The following GLIS3 variants were observed in gnomAD, a reference collection of about 807,000 sequenced individuals.
GLIS3 encodes the protein zinc finger protein GLIS3.
A neutral mutation model predicts 78.6 loss-of-function variants in GLIS3; 53 were observed. That is an observed-to-expected ratio of 0.67 (90% CI 0.54 to 0.85). The LOEUF is 0.85. GLIS3 is among the 40% of genes least tolerant of loss of function. The pLI is 0.00. For missense variants in GLIS3, 1,703 were observed against 1,231.1 expected (o/e 1.38, Z -5.74); for synonymous variants, 684 against 509.9 (o/e 1.34, Z -4.60).
At chr9:4,152,422 G>C (rs534944564) in intron 2 of GLIS3, among the ~76,000 whole-genome samples, 4 of 152,228 alleles carry the variant, frequency 2.6e-5, no homozygotes, top group Non-Finnish European at 4.4e-5. Context: ...TAGATTATGA[G>C]GATTTTCACA....
chr9:3,989,933 A>T (rs887597965), intron 4 of GLIS3, among the ~76,000 whole-genome samples: 1 of 152,226 alleles, frequency 6.6e-6, no homozygotes, highest in Non-Finnish European at 1.5e-5. Flanking sequence ...ATCAAGTTCA[A>T]TATTCGGGTT....
chr9:4,193,349 G>C (rs1019518244), intron 2 of GLIS3, among the ~76,000 whole-genome samples: 10 of 152,152 alleles, frequency 6.6e-5, no homozygotes, highest in African/African-American at 2.4e-4. Flanking sequence ...CATTTACATA[G>C]TGTCAATGGC....
At chr9:4,174,600 C>T (rs1407488793) in intron 2 of GLIS3, among the ~76,000 whole-genome samples, 4 of 152,068 alleles carry the variant, frequency 2.6e-5, no homozygotes, top group Non-Finnish European at 5.9e-5. Context: ...ACAAATCTAC[C>T]ACAACTTCGC....
chr9:4,403,790 A>G, the GLIS3 span, among the ~76,000 whole-genome samples: 1 of 152,154 alleles, frequency 6.6e-6, no homozygotes, highest in Non-Finnish European at 1.5e-5. Flanking sequence ...TAAAAAGAAG[A>G]CAGGAAGGAA....
chr9:4,335,141 C>T (rs569742516), intron 2 of GLIS3, among the ~76,000 whole-genome samples: 1 of 152,146 alleles, frequency 6.6e-6, no homozygotes, highest in African/African-American at 2.4e-5. Flanking sequence ...ATCTCCTGAC[C>T]TCGTGATCCA....
intron 2 of GLIS3, among the ~76,000 whole-genome samples, chr9:4,343,780 T>C (rs762678420): frequency 8.5e-5 from 13 of 152,196 alleles, no homozygotes; most frequent in Non-Finnish European, 1.8e-4. Context: ...TGGATGCAGC[T>C]GGAGGTCATT....
At chr9:4,136,254 C>G (rs1348192955) in intron 2 of GLIS3, among the ~76,000 whole-genome samples, 2 of 152,164 alleles carry the variant, frequency 1.3e-5, no homozygotes, top group African/African-American at 4.8e-5. Context: ...CAGTATTAAG[C>G]ATGAAGCTAA....
At chr9:4,043,572 T>C (rs1026656582) in intron 4 of GLIS3, among the ~76,000 whole-genome samples, 4 of 152,072 alleles carry the variant, frequency 2.6e-5, no homozygotes, top group Non-Finnish European at 5.9e-5. Flanking sequence ...ATGAGTTTTG[T>C]CTCAATGACT....
At chr9:3,954,920 T>C (rs1345426075) in intron 4 of GLIS3, among the ~76,000 whole-genome samples, 2 of 152,158 alleles carry the variant, frequency 1.3e-5, no homozygotes, top group Admixed American at 6.5e-5. Context: ...CCAAAATGCA[T>C]GACAATTCAG....
chr9:4,281,931 G>C lies in GLIS3; in HGVS notation c.388+4107C>G, dbSNP rs151238552. ...TCCCAAAGTTCACTGTGGCACTCCA[G>C]TGACCTTTAACACACTGTTTGGGAA... On this transcript the variant is annotated intron_variant, in intron 2 of 10. Coordinates refer to ENST00000381971, the MANE Select transcript of GLIS3 (RefSeq NM_001042413.2). 9.2e-5 allele frequency among the ~76,000 whole-genome samples: 14 copies of C among 152,262 alleles called. No individual in the cohort carries two copies. In the East Asian group the frequency reaches 2.5e-3, roughly 27 times the overall value.
intron 2 of GLIS3, among the ~76,000 whole-genome samples, chr9:4,245,778 T>G (rs931034085): frequency 3.3e-5 from 5 of 152,214 alleles, no homozygotes; most frequent in African/African-American, 9.7e-5. Context: ...AGTTACTATG[T>G]GTCAATTAAA....
intron 2 of GLIS3, among the ~76,000 whole-genome samples, chr9:4,175,885 G>A (rs1299398622): frequency 6.6e-6 from 1 of 152,144 alleles, no homozygotes; most frequent in Non-Finnish European, 1.5e-5. Context: ...TGAAAAAACT[G>A]AGGCTAGAGG....
intron 4 of GLIS3, among the ~76,000 whole-genome samples, chr9:4,078,629 G>A (rs1232873344): frequency 6.6e-6 from 1 of 152,190 alleles, no homozygotes; most frequent in East Asian, 1.9e-4. Flanking sequence ...GGGTAAAGCG[G>A]TGGAGAAACC....
intron 2 of GLIS3, among the ~76,000 whole-genome samples, chr9:4,143,939 A>C (rs1197622055): frequency 2.6e-5 from 4 of 152,238 alleles, no homozygotes; most frequent in Admixed American, 2.6e-4. Context: ...TCTAGGATCA[A>C]GCCAGTGAGA....
intron 10 of GLIS3, among the ~76,000 whole-genome samples, chr9:3,829,090 T>C (rs1242937479): frequency 6.6e-6 from 1 of 152,006 alleles, no homozygotes; most frequent in Non-Finnish European, 1.5e-5. Context: ...GGCCATAGTC[T>C]GGGAGAGACA....
intron 1 of GLIS3, among the ~76,000 whole-genome samples, chr9:4,292,152 A>G (rs7867224): frequency 0.38 from 57,708 of 152,038 alleles, 13,079 homozygotes; most frequent in East Asian, 0.52. Context: ...CATTCAATGA[A>G]GTATTCATTT....
intron 2 of GLIS3, among the ~76,000 whole-genome samples, chr9:4,268,689 T>C (rs919638540): frequency 3.3e-5 from 5 of 152,206 alleles, no homozygotes; most frequent in East Asian, 1.9e-4. Flanking sequence ...TACTCCAAGA[T>C]AGGTGGTGAT....
intron 2 of GLIS3, among the ~76,000 whole-genome samples, chr9:4,338,377 CACACACACACAT>C (rs973726667): frequency 3.4e-4 from 45 of 130,456 alleles, no homozygotes; most frequent in Admixed American, 2.0e-3. Flanking sequence ...TACACACACA[CACACACACACAT>C]ACACACACAC....
chr9:4,324,683 AG>A (rs1197178126), intron 2 of GLIS3, among the ~76,000 whole-genome samples: 3 of 152,240 alleles, frequency 2.0e-5, no homozygotes, highest in African/African-American at 7.2e-5. Flanking sequence ...TAAATCACTA[AG>A]AAAAATGCAA....
Sources: gnomAD v4.1 joint callset for allele counts (sites outside exome capture counted in the v4.1 genomes callset) on GRCh38, gnomAD v4.1.1 for gene constraint, MANE v1.5 for transcripts, NCBI Gene and HGNC (gene_info 2026-07-23, HGNC 2026-07-21) for gene names.